The following ASIC2 variants were observed in gnomAD, a reference collection of about 807,000 sequenced individuals.
The protein encoded by ASIC2 is acid sensing ion channel subunit 2, also known as acid-sensing ion channel 2.
Under a neutral mutation model 57.3 loss-of-function variants are expected in ASIC2, and 25 were observed. The observed-to-expected ratio is 0.44, with a 90% CI of 0.32 to 0.61. The LOEUF (loss-of-function observed/expected upper bound fraction) is 0.61. Among genes scored for constraint, ASIC2 ranks in the 20% least tolerant of loss-of-function variants. The probability of loss-of-function intolerance (pLI) is 0.06; values close to 1 mark genes in which losing one functional copy is unlikely to be tolerated. For synonymous variants in ASIC2, 319 were observed against 307.5 expected (o/e 1.04, Z -0.39); for missense variants, 641 against 738.1 (o/e 0.87, Z 1.52).
At chr17:33,284,245 G>C (rs1905063671) in intron 1 of ASIC2, among the ~76,000 whole-genome samples, 1 of 152,176 alleles carries the variant, frequency 6.6e-6, no homozygotes, top group African/African-American at 2.4e-5. Context: ...TTATGAGTGA[G>C]TCATCTATTT....
chr17:33,820,722 T>G (rs1287897527), intron 1 of ASIC2, among the ~76,000 whole-genome samples: 1 of 152,216 alleles, frequency 6.6e-6, no homozygotes, highest in Non-Finnish European at 1.5e-5. Context: ...TAAGATTTTT[T>G]AAAGATACAG....
intron 1 of ASIC2, among the ~76,000 whole-genome samples, chr17:33,417,631 C>T (rs1291860025): frequency 6.6e-6 from 1 of 152,164 alleles, no homozygotes; most frequent in African/African-American, 2.4e-5. Flanking sequence ...GTCTGTGCCT[C>T]AGAAAACACA....
At chr17:33,820,258 T>C (rs766133449) in intron 1 of ASIC2, among the ~76,000 whole-genome samples, 1 of 152,256 alleles carries the variant, frequency 6.6e-6, no homozygotes, top group Non-Finnish European at 1.5e-5. Flanking sequence ...TCAACTATGA[T>C]GTTTATGAAA....
intron 1 of ASIC2, among the ~76,000 whole-genome samples, chr17:33,799,431 T>TTTC (rs1159868231): frequency 0.029 from 655 of 22,290 alleles, 1 homozygote; most frequent in East Asian, 0.067. Context: ...TTCTTTCTTC[T>TTTC]TTCTTTCTTT....
At chr17:33,696,739 T>A (rs917774900) in intron 1 of ASIC2, among the ~76,000 whole-genome samples, 1 of 152,182 alleles carries the variant, frequency 6.6e-6, no homozygotes, top group Non-Finnish European at 1.5e-5. Flanking sequence ...ACAGAGTCAT[T>A]GAATATGTAT....
intron 1 of ASIC2, among the ~76,000 whole-genome samples, chr17:33,900,130 T>C (rs1473299464): frequency 6.6e-6 from 1 of 152,190 alleles, no homozygotes; most frequent in East Asian, 1.9e-4. Flanking sequence ...GCAAAATTAG[T>C]TCCTTCCTTT....
At chr17:33,200,385 GC>G (rs1477578312) in intron 1 of ASIC2, among the ~76,000 whole-genome samples, 1 of 152,054 alleles carries the variant, frequency 6.6e-6, no homozygotes, top group African/African-American at 2.4e-5. Context: ...ATCTGGCTCA[GC>G]CCACTCCCTT....
chr17:33,304,336 T>TTAGTTA (rs1906083329), intron 1 of ASIC2, among the ~76,000 whole-genome samples: 2 of 152,224 alleles, frequency 1.3e-5, no homozygotes, highest in African/African-American at 4.8e-5. Flanking sequence ...ACAAATAGGT[T>TTAGTTA]CTTTGGGTAA....
chr17:33,195,223 C>T (rs1906575690), intron 1 of ASIC2, among the ~76,000 whole-genome samples: 1 of 152,176 alleles, frequency 6.6e-6, no homozygotes, highest in Non-Finnish European at 1.5e-5. Flanking sequence ...CACAAAGCAG[C>T]CTCTGCACAG....
At position 33,810,526 on chromosome 17, in the gene ASIC2, G is replaced by T. The variant is rs545948189; in HGVS notation, c.555+345452C>A. ...CTGGATGCAATGCTGCTTTATATCT[G>T]CCCATCTCCCTTCTCTCCAAAGGTG... On this transcript the variant is annotated intron_variant, in intron 1 of 9. Transcript: ENST00000359872. Among the ~76,000 whole-genome samples the T allele has an allele frequency of 7.2e-5, 11 of 152,228 alleles. No homozygotes were observed. The South Asian group carries it at 2.3e-3, about 32-fold the overall frequency.
Position 34,027,901 on chromosome 17 carries a change from C to T in ASIC2, c.555+128077G>A, listed in dbSNP as rs183495240. Reference sequence around the variant, plus strand: ...TTTGAAAGGAGGTACAGATTTGGGCCATGACATTGTGTCAGATCTTTACCT... The same window carrying T: ...TTTGAAAGGAGGTACAGATTTGGGCTATGACATTGTGTCAGATCTTTACCT... On this transcript the variant is annotated intron_variant, in intron 1 of 9. Coordinates refer to the ASIC2 transcript ENST00000359872. Among the ~76,000 whole-genome samples the T allele has an allele frequency of 8.4e-4, 128 of 152,266 alleles. 1 individual carries two copies. Among genetic ancestry groups the T allele is most frequent in the Non-Finnish European group, 1.2e-3 (85 of 68,024 alleles).
At chr17:33,616,686 G>A (rs1905614641) in intron 1 of ASIC2, among the ~76,000 whole-genome samples, 1 of 152,136 alleles carries the variant, frequency 6.6e-6, no homozygotes, top group Non-Finnish European at 1.5e-5. Context: ...CGAAACTCAG[G>A]GGCTAGAAGC....
rs1914455727 is a variant in ASIC2 at position 33,512,434 on chromosome 17, CTT to C, written c.556-400369_556-400368del. Reference sequence around the variant, plus strand: ...CATCAGTTGTCCTTGATCTTAGAAACTTAAGACTGAGAGGAGAACACTTCTTT... The same window carrying C: ...CATCAGTTGTCCTTGATCTTAGAAACAAGACTGAGAGGAGAACACTTCTTT... On this transcript the variant is annotated intron_variant, in intron 1 of 9. Transcript: ENST00000359872. 3.9e-5 allele frequency among the ~76,000 whole-genome samples: 6 copies of C among 152,306 alleles called. No homozygotes were observed. The South Asian group carries it at 1.2e-3, about 32-fold the overall frequency.
intron 1 of ASIC2, among the ~76,000 whole-genome samples, chr17:33,978,314 GA>G (rs1259097299): frequency 6.6e-6 from 1 of 152,200 alleles, no homozygotes; most frequent in Non-Finnish European, 1.5e-5. Context: ...GGGCTACGTA[GA>G]AAATATGGCA....
At chr17:33,321,719 T>C (rs540142066) in intron 1 of ASIC2, among the ~76,000 whole-genome samples, 3 of 152,332 alleles carry the variant, frequency 2.0e-5, no homozygotes, top group Admixed American at 6.5e-5. Context: ...TATCAAATTT[T>C]TGGTAGAAAT....
intron 1 of ASIC2, among the ~76,000 whole-genome samples, chr17:33,228,988 T>C (rs964420630): frequency 2.0e-5 from 3 of 152,122 alleles, no homozygotes. Flanking sequence ...GGTACCCAGA[T>C]ATGCTCAGCA....
chr17:34,146,216 ATCGCCG>A (rs1446118646), intron 1 of ASIC2, among the ~76,000 whole-genome samples: 9 of 152,190 alleles, frequency 5.9e-5, no homozygotes, highest in Non-Finnish European at 1.3e-4. Flanking sequence ...GGGAATTGTT[ATCGCCG>A]TCTTGAGTTG....
At chr17:33,921,978 C>T (rs544442780) in intron 1 of ASIC2, among the ~76,000 whole-genome samples, 1 of 152,248 alleles carries the variant, frequency 6.6e-6, no homozygotes, top group South Asian at 2.1e-4. Context: ...TTGGGGTTTG[C>T]CCATAGCAGC....
intron 1 of ASIC2, among the ~76,000 whole-genome samples, chr17:33,442,693 C>A (rs1265914840): frequency 6.6e-6 from 1 of 151,800 alleles, no homozygotes; most frequent in Non-Finnish European, 1.5e-5. Flanking sequence ...ATTCCACAGG[C>A]TTTCTAAAGG....
Sources: allele counts gnomAD v4.1 joint callset (sites outside exome capture counted in the v4.1 genomes callset), GRCh38; gene constraint gnomAD v4.1.1; transcripts MANE v1.5; gene names NCBI Gene and HGNC (gene_info 2026-07-23, HGNC 2026-07-21).